The following TTLL11 variants were observed in gnomAD, a reference collection of about 807,000 sequenced individuals.
TTLL11 encodes tubulin polyglutamylase TTLL11.
A neutral mutation model predicts 51.7 loss-of-function variants in TTLL11; 42 were observed. The ratio of observed to expected loss-of-function variants is 0.81; its 90% CI spans 0.64 to 1.05. TTLL11 has a LOEUF of 1.05. Ranked by LOEUF, TTLL11 falls within the 50% of genes least tolerant of loss-of-function variation. TTLL11 has a pLI of 0.00. For missense variants in TTLL11, 799 were observed against 940.4 expected (o/e 0.85, Z 1.97); for synonymous variants, 381 against 383.5 (o/e 0.99, Z 0.08).
At chr9:122,035,180 G>A (rs1660969233) in intron 2 of TTLL11, among the ~76,000 whole-genome samples, 1 of 152,148 alleles carries the variant, frequency 6.6e-6, no homozygotes, top group Non-Finnish European at 1.5e-5. Flanking sequence ...TGCAAGGGCT[G>A]GAATCCTCCT....
rs796166055 is a variant in TTLL11, at chr9:121,895,755, GTTAT to G, written c.1482-25011_1482-25008del. Among the ~76,000 whole-genome samples, 2 of 30,640 alleles carry G rather than the reference GTTAT, an allele frequency of 6.5e-5. 1 individual carries two copies. The highest frequency in any genetic ancestry group is 2.8e-4 in the African/African-American group (2 of 7,242). The allele number at this position is 30,640 out of a possible 152,430, so 20.1% of individuals were successfully genotyped here. ...TCTGTGTGCGTCCGTGTGGTTGTGTGTTATTGTTTTGTGTTAGTGTGTGGGTGTG... is the reference window on the plus strand; with the variant it reads ...TCTGTGTGCGTCCGTGTGGTTGTGTGTGTTTTGTGTTAGTGTGTGGGTGTG... On this transcript the variant is annotated intron_variant, in intron 6 of 8. Coordinates refer to ENST00000321582, the MANE Select transcript of TTLL11 (RefSeq NM_001139442.2).
At chr9:121,979,859 A>G (rs1842791035) in intron 4 of TTLL11, among the ~76,000 whole-genome samples, 1 of 151,996 alleles carries the variant, frequency 6.6e-6, no homozygotes, top group Admixed American at 6.6e-5. Flanking sequence ...CCCACTTACT[A>G]TTACTACACA....
intron 4 of TTLL11, among the ~76,000 whole-genome samples, chr9:121,979,370 G>A (rs1370740096): frequency 6.6e-6 from 1 of 152,200 alleles, no homozygotes; most frequent in African/African-American, 2.4e-5. Context: ...CTAAATTCCT[G>A]ATCCATGTAT....
chr9:122,050,004 C>A (rs1845114582), intron 1 of TTLL11, among the ~76,000 whole-genome samples: 1 of 152,082 alleles, frequency 6.6e-6, no homozygotes, highest in African/African-American at 2.4e-5. Flanking sequence ...AAAGGAAACA[C>A]AGGGAAGGTG....
intron 6 of TTLL11, among the ~76,000 whole-genome samples, chr9:121,968,100 A>G (rs1842457413): frequency 6.6e-6 from 1 of 152,154 alleles, no homozygotes; most frequent in Non-Finnish European, 1.5e-5. Context: ...ATGCCACGGA[A>G]TTGTGCGCTT....
chr9:121,969,149 T>C (rs970191838), intron 6 of TTLL11, among the ~76,000 whole-genome samples: 11 of 152,144 alleles, frequency 7.2e-5, no homozygotes, highest in African/African-American at 2.4e-4. Context: ...GGATTACAGG[T>C]GTGAGCCACC....
intron 8 of TTLL11, among the ~76,000 whole-genome samples, chr9:121,857,891 C>T (rs1472181433): frequency 9.2e-5 from 14 of 152,174 alleles, no homozygotes; most frequent in African/African-American, 3.1e-4. Context: ...TGATAAATAG[C>T]TTCCTGCTGC....
At chr9:121,994,286 C>T (rs867723521) in intron 3 of TTLL11, among the ~76,000 whole-genome samples, 1 of 152,058 alleles carries the variant, frequency 6.6e-6, no homozygotes, top group African/African-American at 2.4e-5. Context: ...TAGATAGTTC[C>T]GACGGCTGGA....
intron 1 of TTLL11, among the ~76,000 whole-genome samples, chr9:122,047,089 A>C (rs1157255565): frequency 6.6e-6 from 1 of 152,198 alleles, no homozygotes; most frequent in Non-Finnish European, 1.5e-5. Context: ...ACGAGGGCAC[A>C]GGAAGACCTA....
intron 6 of TTLL11, among the ~76,000 whole-genome samples, chr9:121,936,923 C>T (rs1279897134): frequency 2.6e-5 from 4 of 152,186 alleles, no homozygotes; most frequent in Admixed American, 2.0e-4. Flanking sequence ...CTGCTCCCTC[C>T]GTATGAGACA....
At chr9:121,927,356 G>A (rs1270670837) in intron 6 of TTLL11, among the ~76,000 whole-genome samples, 1 of 152,194 alleles carries the variant, frequency 6.6e-6, no homozygotes, top group Non-Finnish European at 1.5e-5. Flanking sequence ...CTCTCTCTAA[G>A]CTTTTCAGTT....
At chr9:121,912,861 G>A (rs1840189673) in intron 6 of TTLL11, among the ~76,000 whole-genome samples, 1 of 151,900 alleles carries the variant, frequency 6.6e-6, no homozygotes, top group Non-Finnish European at 1.5e-5. Flanking sequence ...TTTTACGTAT[G>A]AGGAACATGA....
chr9:121,834,471 G>A (rs1208651336), intron 8 of TTLL11, among the ~76,000 whole-genome samples: 2 of 121,778 alleles, frequency 1.6e-5, no homozygotes, highest in Non-Finnish European at 3.3e-5. Context: ...AGTAATAGCT[G>A]CCCTGAGTGG....
chr9:121,927,893 A>G (rs1044279326), intron 6 of TTLL11, among the ~76,000 whole-genome samples: 1 of 152,206 alleles, frequency 6.6e-6, no homozygotes, highest in African/African-American at 2.4e-5. Context: ...AGGATCTTGT[A>G]CATCACATGT....
At chr9:121,932,909 T>A (rs1305224950) in intron 6 of TTLL11, among the ~76,000 whole-genome samples, 1 of 152,194 alleles carries the variant, frequency 6.6e-6, no homozygotes, top group Non-Finnish European at 1.5e-5. Flanking sequence ...AAAATGCAGA[T>A]GCTTTTCTTC....
chr9:121,974,731 G>A (rs1404027817), intron 5 of TTLL11, among the ~76,000 whole-genome samples, 153 bp downstream of exon 5: 1 of 152,192 alleles, frequency 6.6e-6, no homozygotes, highest in African/African-American at 2.4e-5. Flanking sequence ...AGTCTATGTT[G>A]AGAACTCAAC....
At chr9:122,045,399 A>G (rs1353572094) in intron 1 of TTLL11, among the ~76,000 whole-genome samples, 1 of 152,104 alleles carries the variant, frequency 6.6e-6, no homozygotes, top group African/African-American at 2.4e-5. Context: ...CTACAAATAC[A>G]AAAATTAGCC....
rs574641746 is a variant in TTLL11, at chr9:121,834,876, A to C, written c.1841-11997T>G. Among the ~76,000 whole-genome samples, 5 of 150,558 alleles carry C rather than the reference A, an allele frequency of 3.3e-5. No individual in the cohort carries two copies. In the East Asian group the frequency reaches 9.8e-4, roughly 29 times the overall value. On this transcript the variant is annotated intron_variant, in intron 8 of 8. Transcript: ENST00000321582. ...CACAAGTGCTTCCCATCATCTTCCC[A>C]CTTGGAAGTCTGCTCTCTCACCTCA...
At chr9:121,841,661 G>A (rs982313076) in intron 8 of TTLL11, among the ~76,000 whole-genome samples, 7 of 152,000 alleles carry the variant, frequency 4.6e-5, no homozygotes, top group African/African-American at 1.7e-4. Flanking sequence ...TGTGGCTGTG[G>A]TGGGGCACGA....
Sources: allele counts gnomAD v4.1 joint callset (sites outside exome capture counted in the v4.1 genomes callset), GRCh38; gene constraint gnomAD v4.1.1; transcripts MANE v1.5; gene names NCBI Gene and HGNC (gene_info 2026-07-23, HGNC 2026-07-21).